The following ZNF536 variants were observed in gnomAD, a reference collection of about 807,000 sequenced individuals.
ZNF536 encodes the protein zinc finger protein 536.
ZNF536 carries 13 observed loss-of-function variants against 84.5 expected under a neutral mutation model. That is an observed-to-expected ratio of 0.15 (90% CI 0.10 to 0.24). The LOEUF (loss-of-function observed/expected upper bound fraction) is 0.24. Among genes scored for constraint, ZNF536 ranks in the 10% least tolerant of loss-of-function variants. The pLI is 1.00. For missense variants in ZNF536, 1,536 were observed against 1,747.5 expected (o/e 0.88, Z 2.16); for synonymous variants, 811 against 742.5 (o/e 1.09, Z -1.50).
At chr19:30,434,874 G>T (rs1181919386) in intron 1 of ZNF536, among the ~76,000 whole-genome samples, 1 of 150,152 alleles carries the variant, frequency 6.7e-6, no homozygotes, top group Non-Finnish European at 1.5e-5. Context: ...GATGATGATG[G>T]TGATGGTAGT....
chr19:30,658,502 G>T (rs1022205669), intron 1 of ZNF536, among the ~76,000 whole-genome samples: 2 of 151,880 alleles, frequency 1.3e-5, no homozygotes, highest in Admixed American at 1.3e-4. Flanking sequence ...TGAATATACT[G>T]TTCTCAATGC....
intron 1 of ZNF536, among the ~76,000 whole-genome samples, chr19:30,376,518 CACTGGAT>C (rs1255846664): frequency 1.3e-5 from 2 of 152,206 alleles, no homozygotes; most frequent in Non-Finnish European, 2.9e-5. Flanking sequence ...AGATAGCACC[CACTGGAT>C]ACTCCGTGGG....
chr19:30,682,844 C>T (rs367724161), intron 1 of ZNF536, among the ~76,000 whole-genome samples: 56 of 152,346 alleles, frequency 3.7e-4, no homozygotes, highest in African/African-American at 1.3e-3. Flanking sequence ...GGCACCAGCA[C>T]CCTCCTGAAT....
At chr19:30,375,251 C>T (rs1187764324) in intron 1 of ZNF536, among the ~76,000 whole-genome samples, 2 of 149,226 alleles carry the variant, frequency 1.3e-5, no homozygotes, top group Non-Finnish European at 3.0e-5. Context: ...CGCCGGCCCG[C>T]GGCTGCCAGC....
At chr19:30,629,267 C>T (rs1195386151) in intron 1 of ZNF536, among the ~76,000 whole-genome samples, 3 of 152,148 alleles carry the variant, frequency 2.0e-5, no homozygotes, top group Non-Finnish European at 2.9e-5. Flanking sequence ...GGCATGATCA[C>T]GGCTTACTGC....
At chr19:30,330,226 T>C (rs976040178) in intron 2 of ZNF536, among the ~76,000 whole-genome samples, 3 of 152,244 alleles carry the variant, frequency 2.0e-5, no homozygotes, top group Non-Finnish European at 4.4e-5. Flanking sequence ...TTAACTGTGC[T>C]AAATTCGATC....
At chr19:30,302,738 A>G (rs1019984987) in intron 2 of ZNF536, among the ~76,000 whole-genome samples, 16 of 151,952 alleles carry the variant, frequency 1.1e-4, no homozygotes, top group Non-Finnish European at 1.9e-4. Flanking sequence ...TGGGCCCTCT[A>G]TATAGAATGT....
At position 30,660,877 on chromosome 19, in the gene ZNF536, G is replaced by A. The variant is rs111545607; in HGVS notation, c.170-49880G>A. ...GATAAATATATTTATGTGCATGTGT[G>A]TACATATACATACACAAAATCTCTG... is the stretch of plus-strand genomic sequence containing the variant. On this transcript the variant is annotated intron_variant, in intron 1 of 1. Transcript: ENST00000592773. 1.0e-2 allele frequency among the ~76,000 whole-genome samples: 1,519 copies of A among 152,300 alleles called. 25 individuals carry two copies. The highest frequency in any genetic ancestry group is 0.033 in the African/African-American group (1,377 of 41,556).
chr19:30,601,516 A>C (rs978699490), intron 1 of ZNF536, among the ~76,000 whole-genome samples: 2 of 151,856 alleles, frequency 1.3e-5, no homozygotes, highest in African/African-American at 4.8e-5. Context: ...ACTGCAGGAA[A>C]CCCCTAAATT....
At chr19:30,633,959 G>A (rs975154655) in intron 1 of ZNF536, among the ~76,000 whole-genome samples, 1 of 152,092 alleles carries the variant, frequency 6.6e-6, no homozygotes, top group African/African-American at 2.4e-5. Context: ...GCACATCAGT[G>A]TAACATGTGG....
intron 1 of ZNF536, among the ~76,000 whole-genome samples, chr19:30,268,452 A>G (rs1348767428): frequency 6.6e-6 from 1 of 152,154 alleles, no homozygotes; most frequent in Non-Finnish European, 1.5e-5. Context: ...TCTTTCCTCA[A>G]GAAGGATTCC....
intron 2 of ZNF536, among the ~76,000 whole-genome samples, chr19:30,342,619 A>G (rs564151463): frequency 6.6e-6 from 1 of 152,338 alleles, no homozygotes; most frequent in South Asian, 2.1e-4. Context: ...AAGAACTGAA[A>G]TTGAAATTCA....
chr19:30,567,571 C>A (rs903867362), intron 1 of ZNF536, among the ~76,000 whole-genome samples: 1 of 152,148 alleles, frequency 6.6e-6, no homozygotes, highest in Non-Finnish European at 1.5e-5. Context: ...CGAGAGGGCC[C>A]CGAGGAAACC....
At chr19:30,677,241 A>G (rs1600233988) in intron 1 of ZNF536, among the ~76,000 whole-genome samples, 1 of 152,106 alleles carries the variant, frequency 6.6e-6, no homozygotes, top group African/African-American at 2.4e-5. Flanking sequence ...TGGCTTCACA[A>G]TCCCAGCCTC....
chr19:30,361,464 T>C (rs1472931037), intron 3 of ZNF536, among the ~76,000 whole-genome samples: 1 of 152,156 alleles, frequency 6.6e-6, no homozygotes, highest in Non-Finnish European at 1.5e-5. Context: ...GAGCTAATTA[T>C]GGTGCTTTTT....
chr19:30,363,976 C>A (rs1338473820), intron 3 of ZNF536, among the ~76,000 whole-genome samples: 2 of 152,090 alleles, frequency 1.3e-5, no homozygotes, highest in Non-Finnish European at 2.9e-5. Flanking sequence ...GAGGGGGAAT[C>A]TGGAAAAACT....
chr19:30,647,353 G>A (rs780950478), intron 1 of ZNF536, among the ~76,000 whole-genome samples: 11 of 152,056 alleles, frequency 7.2e-5, no homozygotes, highest in South Asian at 6.2e-4. Flanking sequence ...TGCTTCTCCC[G>A]TTTCCCTGGG....
chr19:30,326,698 C>T (rs1156721164), intron 2 of ZNF536, among the ~76,000 whole-genome samples: 2 of 144,786 alleles, frequency 1.4e-5, no homozygotes, highest in Non-Finnish European at 3.0e-5. Flanking sequence ...CTCCCCATCT[C>T]TGGCACAAAG....
intron 1 of ZNF536, among the ~76,000 whole-genome samples, chr19:30,259,424 C>T (rs2025080168): frequency 6.6e-6 from 1 of 152,198 alleles, no homozygotes; most frequent in Non-Finnish European, 1.5e-5. Context: ...GCATGGGCGT[C>T]ACCAGGGAGC....
Sources: gnomAD v4.1 joint callset for allele counts (sites outside exome capture counted in the v4.1 genomes callset) on GRCh38, gnomAD v4.1.1 for gene constraint, MANE v1.5 for transcripts, NCBI Gene and HGNC (gene_info 2026-07-23, HGNC 2026-07-21) for gene names.